Variants in BDKRB2 observed in about 807,000 individuals in gnomAD.
BDKRB2 encodes the protein bradykinin receptor B2, also known as B2 bradykinin receptor.
Under a neutral mutation model 4.0 loss-of-function variants are expected in BDKRB2, and 6 were observed. The observed-to-expected ratio is 1.49, with a 90% CI of 0.81 to 2.93. BDKRB2 has a LOEUF of 2.93. Ranked by LOEUF, BDKRB2 falls within the 30% of genes most tolerant of loss-of-function variation. The pLI is 0.00. For synonymous variants in BDKRB2, 225 were observed against 215.3 expected (o/e 1.05, Z -0.40); for missense variants, 478 against 520.1 (o/e 0.92, Z 0.79).
intron 1 of BDKRB2, among the ~76,000 whole-genome samples, chr14:96,220,050 C>T (rs772850588): frequency 1.1e-4 from 17 of 151,998 alleles, no homozygotes; most frequent in Non-Finnish European, 2.2e-4. Flanking sequence ...GCAAATGCTA[C>T]GGTTAGGGCA....
At chr14:96,210,319 G>T (rs1470314945) in intron 1 of BDKRB2, among the ~76,000 whole-genome samples, 1 of 152,198 alleles carries the variant, frequency 6.6e-6, no homozygotes, top group Non-Finnish European at 1.5e-5. Context: ...TAGTGCGTTT[G>T]GGGTCTGGGG....
Position 96,237,148 on chromosome 14 carries a change from G to T in BDKRB2, c.41G>T (p.Arg14Leu), listed in dbSNP as rs200131401. Residue 14 changes from arginine to leucine, a missense_variant, in exon 2 of 3, where the codon CGT becomes CTT. By Grantham distance (102) the Arg-to-Leu change is moderately radical. Coordinates refer to ENST00000554311, the MANE Select transcript of BDKRB2 (RefSeq NM_001379692.1). ...AAGATATCAATGTTTCTGTCTGTTC[G>T]TGAGGACTCCGTGCCCACCACGGCC... ...PWKISMFLSV[R>L]EDSVPTTASF... is the part of the protein sequence containing the mutation. The T allele has an allele frequency of 1.2e-6, 2 of 1,614,080 alleles. No individual in the cohort carries two copies. The highest frequency in any genetic ancestry group is 1.3e-5 in the African/African-American group (1 of 75,032).
chr14:96,222,188 G>A (rs1595253771), intron 1 of BDKRB2, among the ~76,000 whole-genome samples: 1 of 152,108 alleles, frequency 6.6e-6, no homozygotes, highest in African/African-American at 2.4e-5. Flanking sequence ...GCCACAGCCA[G>A]GTGGAAGAGA....
chr14:96,232,100 G>A (rs1890831654), intron 1 of BDKRB2, among the ~76,000 whole-genome samples: 1 of 152,196 alleles, frequency 6.6e-6, no homozygotes, highest in Non-Finnish European at 1.5e-5. Context: ...ACACCCCACA[G>A]CCCCTGGTGT....
intron 1 of BDKRB2, among the ~76,000 whole-genome samples, chr14:96,222,337 A>G (rs1190484468): frequency 6.6e-6 from 1 of 152,046 alleles, no homozygotes; most frequent in Non-Finnish European, 1.5e-5. Context: ...TGGAGGCTTC[A>G]TCATATAGGC....
intron 1 of BDKRB2, among the ~76,000 whole-genome samples, chr14:96,211,655 A>G (rs1171036284): frequency 6.6e-6 from 1 of 152,066 alleles, no homozygotes; most frequent in Admixed American, 6.6e-5. Context: ...CTCTCCACCC[A>G]CTTCCCTTCT....
chr14:96,228,624 TGGGTATAGGATG>T (rs2139786641), intron 1 of BDKRB2, among the ~76,000 whole-genome samples: 1 of 152,282 alleles, frequency 6.6e-6, no homozygotes, highest in East Asian at 1.9e-4. Context: ...GGGGTTTTTA[TGGGTATAGGATG>T]GGGGGCATGG....
chr14:96,213,112 C>A (rs994167177), intron 1 of BDKRB2, among the ~76,000 whole-genome samples: 1 of 152,190 alleles, frequency 6.6e-6, no homozygotes, highest in African/African-American at 2.4e-5. Flanking sequence ...TCACTGACCT[C>A]TCCGAACCTC....
chr14:96,236,807 G>T (rs1009661715), intron 1 of BDKRB2, among the ~76,000 whole-genome samples: 5 of 152,170 alleles, frequency 3.3e-5, no homozygotes, highest in Non-Finnish European at 5.9e-5. Context: ...CATGTTCTAT[G>T]CTCTCACAGG....
intron 1 of BDKRB2, among the ~76,000 whole-genome samples, chr14:96,206,319 C>T (rs1002084748): frequency 2.6e-5 from 4 of 152,130 alleles, no homozygotes; most frequent in Non-Finnish European, 5.9e-5. Flanking sequence ...CCCAGCTCTC[C>T]CTGCAACCCT....
intron 1 of BDKRB2, among the ~76,000 whole-genome samples, chr14:96,227,749 T>C (rs564207833): frequency 6.6e-6 from 1 of 152,324 alleles, no homozygotes; most frequent in South Asian, 2.1e-4. Flanking sequence ...TACTCCTCTG[T>C]AGCCTGCTGG....
chr14:96,241,414 G>A lies in BDKRB2; in HGVS notation c.1086G>A (p.Gln362=). The stretch of plus-strand genomic sequence containing the variant: ...GGGGCTGCAGGTCAGAACCCATTCA[G>A]ATGGAGAACTCCATGGGCACACTGC... The part of the protein sequence containing the change: ...QKGGCRSEPI[Q]MENSMGTLRT... The change falls in exon 3 of 3, where the codon CAG becomes CAA. Residue 362 remains glutamine (Q), a synonymous_variant. Transcript: ENST00000554311. The A allele has an allele frequency of 6.2e-7, 1 of 1,609,576 alleles. No homozygotes were observed. The highest frequency in any genetic ancestry group is 8.5e-7 in the Non-Finnish European group (1 of 1,179,650).
Position 96,241,055 on chromosome 14 carries a change from T to C in BDKRB2, c.727T>C (p.Cys243Arg). The C allele has an allele frequency of 6.2e-7, 1 of 1,613,628 alleles. No individual in the cohort carries two copies. Among genetic ancestry groups the C allele is most frequent in the Non-Finnish European group, 8.5e-7 (1 of 1,179,592 alleles). Residue 243 changes from cysteine to arginine, a missense_variant, in exon 3 of 3, where the codon TGC becomes CGC. By Grantham distance (180) the Cys-to-Arg change is radical. Coordinates refer to ENST00000554311, the MANE Select transcript of BDKRB2 (RefSeq NM_001379692.1). The part of the protein sequence containing the change: ...FLLPLSVITF[C>R]TMQIMQVLRN... ...GCTGCCCCTGAGTGTCATCACCTTC[T>C]GCACGATGCAGATCATGCAGGTGCT...
chr14:96,211,203 C>T (rs1185743254), intron 1 of BDKRB2: 2 of 152,262 alleles, frequency 1.3e-5, no homozygotes, highest in East Asian at 3.9e-4. Context: ...GCCTTTCCCT[C>T]AGCCCCTAGC....
intron 1 of BDKRB2, among the ~76,000 whole-genome samples, chr14:96,208,011 T>A (rs1377311518): frequency 6.6e-6 from 1 of 152,142 alleles, no homozygotes; most frequent in Non-Finnish European, 1.5e-5. Flanking sequence ...AGGCAGCGCA[T>A]TCCATCTTAG....
intron 2 of BDKRB2, chr14:96,239,660 C>A (rs1203731467): frequency 3.2e-6 from 3 of 947,784 alleles, no homozygotes; most frequent in African/African-American, 3.5e-5. Flanking sequence ...CCTATCACAA[C>A]CCTGAGAGGT....
chr14:96,230,464 G>A (rs962665627), intron 1 of BDKRB2, among the ~76,000 whole-genome samples: 41 of 151,680 alleles, frequency 2.7e-4, no homozygotes, highest in Non-Finnish European at 2.2e-4. Flanking sequence ...GTGCGATCTC[G>A]GCTCACTGCA....
At position 96,241,039 on chromosome 14, in the gene BDKRB2, G is replaced by T. The variant is rs1885275264; in HGVS notation, c.711G>T (p.Leu237=). The T allele has an allele frequency of 6.8e-6, 11 of 1,610,576 alleles. No individual in the cohort carries two copies. In the East Asian group the frequency reaches 2.5e-4, roughly 36 times the overall value. Reference sequence around the variant, plus strand: ...ATGTCGTGGGCTTCCTGCTGCCCCTGAGTGTCATCACCTTCTGCACGATGC... The same window carrying T: ...ATGTCGTGGGCTTCCTGCTGCCCCTTAGTGTCATCACCTTCTGCACGATGC... The part of the protein sequence containing the change: ...LLNVVGFLLP[L]SVITFCTMQI... The change falls in exon 3 of 3, where the codon CTG becomes CTT. Residue 237 remains leucine (L), a synonymous_variant. Coordinates refer to ENST00000554311, the MANE Select transcript of BDKRB2 (RefSeq NM_001379692.1).
intron 1 of BDKRB2, among the ~76,000 whole-genome samples, chr14:96,235,659 G>T (rs1890914119): frequency 2.0e-5 from 3 of 152,174 alleles, no homozygotes; most frequent in South Asian, 4.1e-4. Context: ...TGAATTCCCT[G>T]AACTGACCGT....
Sources: allele counts gnomAD v4.1 joint callset (sites outside exome capture counted in the v4.1 genomes callset), GRCh38; gene constraint gnomAD v4.1.1; transcripts MANE v1.5; gene names NCBI Gene and HGNC (gene_info 2026-07-23, HGNC 2026-07-21).